The following C8orf34 variants were observed in gnomAD, a reference collection of about 807,000 sequenced individuals.
The protein encoded by C8orf34 is uncharacterized protein C8orf34.
Under a neutral mutation model 68.3 loss-of-function variants are expected in C8orf34, and 65 were observed. The observed-to-expected ratio is 0.95, with a 90% CI of 0.78 to 1.17. The LOEUF is 1.17. C8orf34 is among the 50% of genes most tolerant of loss of function. C8orf34 has a pLI of 0.00. For synonymous variants in C8orf34, 244 were observed against 241.2 expected, an observed-to-expected ratio of 1.01 and a Z score of -0.11; for missense variants, 664 against 655.4, an observed-to-expected ratio of 1.01 and a Z score of -0.14.
intron 8 of C8orf34, among the ~76,000 whole-genome samples, chr8:68,706,616 A>T (rs1406873674): frequency 1.3e-5 from 2 of 152,244 alleles, no homozygotes; most frequent in African/African-American, 4.8e-5. Context: ...GATATCTGCC[A>T]TGAAACAATT....
At chr8:68,784,467 A>G (rs1823784242) in intron 11 of C8orf34, among the ~76,000 whole-genome samples, 2 of 152,070 alleles carry the variant, frequency 1.3e-5, no homozygotes, top group African/African-American at 4.8e-5. Context: ...TCCTTTCCCT[A>G]TCCCTCCTGA....
At chr8:68,555,281 G>C (rs754445927) in intron 7 of C8orf34, among the ~76,000 whole-genome samples, 20 of 152,082 alleles carry the variant, frequency 1.3e-4, no homozygotes, top group Non-Finnish European at 1.5e-5. Flanking sequence ...TGCAAAACTG[G>C]GATACCATTT....
At chr8:68,744,821 T>C (rs1017957646) in intron 10 of C8orf34, among the ~76,000 whole-genome samples, 1 of 152,078 alleles carries the variant, frequency 6.6e-6, no homozygotes, top group Non-Finnish European at 1.5e-5. Flanking sequence ...CACGATATTA[T>C]CCAGGAGAAC....
intron 4 of C8orf34, among the ~76,000 whole-genome samples, chr8:68,472,969 CA>C (rs376125540): frequency 6.6e-6 from 1 of 152,154 alleles, no homozygotes; most frequent in South Asian, 2.1e-4. Flanking sequence ...CTAATGTTAA[CA>C]AAAAAACCCC....
intron 6 of C8orf34, among the ~76,000 whole-genome samples, chr8:68,529,366 A>G (rs1815150102): frequency 6.6e-6 from 1 of 152,128 alleles, no homozygotes; most frequent in Non-Finnish European, 1.5e-5. Flanking sequence ...ACTTGACCAA[A>G]CAGCAGTGTT....
At chr8:68,361,500 A>G (rs1296808973) in intron 1 of C8orf34, among the ~76,000 whole-genome samples, 2 of 152,228 alleles carry the variant, frequency 1.3e-5, no homozygotes, top group East Asian at 1.9e-4. Context: ...ATGTGCCACT[A>G]TATCTACCAC....
intron 7 of C8orf34, 120 bp from the exon 8 acceptor site, chr8:68,640,256 C>A: frequency 1.2e-6 from 1 of 833,126 alleles, no homozygotes. Context: ...TAGATTTTTG[C>A]AAAGGGGATA....
chr8:68,344,164 A>T (rs1806187026), intron 1 of C8orf34, among the ~76,000 whole-genome samples: 1 of 152,224 alleles, frequency 6.6e-6, no homozygotes, highest in South Asian at 2.1e-4. Flanking sequence ...AACTAGGAAC[A>T]ACCCAAATAT....
At chr8:68,374,452 T>C (rs1313777261) in intron 1 of C8orf34, among the ~76,000 whole-genome samples, 1 of 152,182 alleles carries the variant, frequency 6.6e-6, no homozygotes, top group Non-Finnish European at 1.5e-5. Context: ...TTTGACAGGA[T>C]TCATTGTAGT....
At chr8:68,672,849 C>T (rs185117429) in intron 8 of C8orf34, among the ~76,000 whole-genome samples, 1 of 152,198 alleles carries the variant, frequency 6.6e-6, no homozygotes, top group Admixed American at 6.5e-5. Context: ...GCTTGCAGCT[C>T]TTGGAAAGAC....
intron 5 of C8orf34, among the ~76,000 whole-genome samples, chr8:68,507,632 T>C (rs1364492781): frequency 1.3e-5 from 2 of 152,230 alleles, no homozygotes; most frequent in Non-Finnish European, 2.9e-5. Flanking sequence ...TTAACCTCTT[T>C]GGCCACTTCT....
intron 7 of C8orf34, among the ~76,000 whole-genome samples, chr8:68,548,002 A>G (rs923947458): frequency 1.3e-5 from 2 of 151,774 alleles, no homozygotes; most frequent in African/African-American, 4.8e-5. Context: ...AATGTAAAGA[A>G]AGAGAATGAA....
chr8:68,602,973 G>C (rs1397612934), intron 7 of C8orf34, among the ~76,000 whole-genome samples: 2 of 152,046 alleles, frequency 1.3e-5, no homozygotes, highest in African/African-American at 4.8e-5. Context: ...TGGCAGTTCT[G>C]GGTTCAAGGC....
At chr8:68,576,984 A>G (rs1816923578) in intron 7 of C8orf34, among the ~76,000 whole-genome samples, 1 of 152,008 alleles carries the variant, frequency 6.6e-6, no homozygotes, top group Admixed American at 6.6e-5. Context: ...TATGTATAAT[A>G]TTTGTAAATA....
chr8:68,453,065 G>A (rs1811411853), intron 3 of C8orf34, among the ~76,000 whole-genome samples: 1 of 151,776 alleles, frequency 6.6e-6, no homozygotes, highest in Admixed American at 6.6e-5. Flanking sequence ...ATTGAAAATC[G>A]ATTAACCATG....
intron 10 of C8orf34, among the ~76,000 whole-genome samples, chr8:68,738,706 A>G (rs1455997502): frequency 6.6e-6 from 1 of 152,158 alleles, no homozygotes; most frequent in Non-Finnish European, 1.5e-5. Flanking sequence ...AAATTCCTGT[A>G]TACATACATC....
At chr8:68,368,309 C>A (rs1362043313) in intron 1 of C8orf34, among the ~76,000 whole-genome samples, 2 of 152,082 alleles carry the variant, frequency 1.3e-5, no homozygotes, top group Non-Finnish European at 2.9e-5. Flanking sequence ...TGTAAAGAGG[C>A]ATATTGTTTG....
At chr8:68,422,272 T>A (rs1487347085) in intron 1 of C8orf34, among the ~76,000 whole-genome samples, 1 of 152,180 alleles carries the variant, frequency 6.6e-6, no homozygotes, top group Admixed American at 6.5e-5. Context: ...TCTATCAGCC[T>A]GGAAAATCAA....
intron 6 of C8orf34, 149 bp from the exon 7 acceptor site, chr8:68,532,834 G>A: frequency 3.5e-6 from 2 of 574,674 alleles, no homozygotes; most frequent in Non-Finnish European, 6.0e-6. Flanking sequence ...GGTACGGATG[G>A]GTGTCCAAGA....
Sources: gnomAD v4.1 joint callset for allele counts (sites outside exome capture counted in the v4.1 genomes callset) on GRCh38, gnomAD v4.1.1 for gene constraint, MANE v1.5 for transcripts, NCBI Gene and HGNC (gene_info 2026-07-23, HGNC 2026-07-21) for gene names.